ZRANB3: variants seen among roughly 807,000 people sequenced by gnomAD.
ZRANB3 encodes DNA annealing helicase and endonuclease ZRANB3.
Under a neutral mutation model 133.8 loss-of-function variants are expected in ZRANB3, and 125 were observed. The observed-to-expected ratio is 0.93, with a 90% CI of 0.81 to 1.08. ZRANB3 has a LOEUF of 1.08. ZRANB3 is among the 50% of genes least tolerant of loss of function. The probability of loss-of-function intolerance (pLI) is 0.00; values close to 1 mark genes in which losing one functional copy is unlikely to be tolerated. For synonymous variants in ZRANB3, 387 were observed against 432.7 expected, an observed-to-expected ratio of 0.89 and a Z score of 1.31; for missense variants, 1,229 against 1,275.5, an observed-to-expected ratio of 0.96 and a Z score of 0.56.
chr2:135,319,730 A>G (rs1413082109), intron 6 of ZRANB3, among the ~76,000 whole-genome samples: 1 of 152,166 alleles, frequency 6.6e-6, no homozygotes, highest in African/African-American at 2.4e-5. Context: ...TTATTTCTGG[A>G]AGCCATTCCT....
intron 3 of ZRANB3, among the ~76,000 whole-genome samples, chr2:135,366,309 T>A (rs1342386347): frequency 1.3e-5 from 2 of 152,128 alleles, no homozygotes; most frequent in Non-Finnish European, 2.9e-5. Context: ...TGTGAAAGTT[T>A]TTTTTTTAAG....
intron 2 of ZRANB3, among the ~76,000 whole-genome samples, chr2:135,393,415 G>C (rs1410330913): frequency 2.6e-5 from 4 of 151,422 alleles, no homozygotes; most frequent in Non-Finnish European, 5.9e-5. Flanking sequence ...TAGACTGGAA[G>C]ATGCAGTACG....
At chr2:135,238,392 A>AG (rs1695398616) in intron 12 of ZRANB3, among the ~76,000 whole-genome samples, 2 of 134,580 alleles carry the variant, frequency 1.5e-5, no homozygotes, top group African/African-American at 6.2e-5. Flanking sequence ...ATGCTGTGTG[A>AG]CTTTTTTTTT....
At chr2:135,354,563 G>A (rs1176457459) in intron 3 of ZRANB3, among the ~76,000 whole-genome samples, 2 of 152,162 alleles carry the variant, frequency 1.3e-5, no homozygotes, top group African/African-American at 2.4e-5. Flanking sequence ...ATCAAATGAT[G>A]TCATATTCAT....
intron 11 of ZRANB3, among the ~76,000 whole-genome samples, chr2:135,267,889 G>A (rs1329966808): frequency 6.6e-6 from 1 of 151,994 alleles, no homozygotes; most frequent in African/African-American, 2.4e-5. Flanking sequence ...AGGTGATTGG[G>A]TCATGAGGGT....
chr2:135,207,512 T>C lies in ZRANB3; in HGVS notation c.2931A>G (p.Leu977=), dbSNP rs375880529. 447 of 1,614,030 alleles carry C rather than the reference T, an allele frequency of 2.8e-4. 5 individuals are homozygous for C. The South Asian group carries it at 4.3e-3, about 15-fold the overall frequency. The change falls in exon 19 of 21, where the codon TTA becomes TTG. Residue 977 remains leucine (L), a synonymous_variant. Transcript: ENST00000264159. The part of the protein sequence containing the change: ...LCNVNAQELF[L]RLRDAPKSQR... Reference sequence around the variant, plus strand: ...GACTTTTAGGGGCATCTCTCAGACGTAAAAAGAGTTCTTGTGCGTTCACAT... The same window carrying C: ...GACTTTTAGGGGCATCTCTCAGACGCAAAAAGAGTTCTTGTGCGTTCACAT...
rs143145663 is a variant in ZRANB3 at position 135,510,528 on chromosome 2, G to A, written c.-7-6032C>T. The A allele has an allele frequency of 1.8e-3, 1,125 of 641,922 alleles. 29 individuals are homozygous for A. The East Asian group carries it at 0.031, about 18-fold the overall frequency. The allele number at this position is 641,922 out of a possible 1,614,324, so 39.8% of individuals were successfully genotyped here. A position where few individuals can be genotyped will look rare whatever the true frequency, so the allele number is the denominator to read the frequency against. On this transcript the variant is annotated intron_variant, in intron 1 of 20. Coordinates refer to ENST00000264159, the MANE Select transcript of ZRANB3 (RefSeq NM_032143.4). The stretch of plus-strand genomic sequence containing the variant: ...TAGGAGCTAGGGTTTGTATGGCCGC[G>A]TGAAGATCCATGAAGATTCACTGCC...
At position 135,268,992 on chromosome 2, in the gene ZRANB3, G is replaced by A. The variant is rs1680381756; in HGVS notation, c.1356C>T (p.Asp452=). Reference sequence around the variant, plus strand: ...GATTCAACATTCCCCACATAAGGGTGTCTAGGGTTCCATTTGCAATAAGGT... The same window carrying A: ...GATTCAACATTCCCCACATAAGGGTATCTAGGGTTCCATTTGCAATAAGGT... ...IHYLIANGTL[D]TLMWGMLNRK... The change falls in exon 11 of 21, where the codon GAC becomes GAT. Residue 452 remains aspartate (D), a synonymous_variant. Transcript: ENST00000264159. The A allele has an allele frequency of 6.2e-7, 1 of 1,608,974 alleles. No homozygotes were observed. Among genetic ancestry groups the A allele is most frequent in the Non-Finnish European group, 8.5e-7 (1 of 1,178,486 alleles).
intron 8 of ZRANB3, among the ~76,000 whole-genome samples, chr2:135,291,053 G>T (rs896035121): frequency 6.6e-6 from 1 of 152,066 alleles, no homozygotes; most frequent in African/African-American, 2.4e-5. Context: ...CTAGAGATGG[G>T]GTTTCACCAT....
Position 135,197,496 on chromosome 2 carries a change from T to G in ZRANB3, c.*2846A>C, listed in dbSNP as rs1007998448. ...AGGGTATTCACTTGTCACAGGAAAA[T>G]CTCCCCAAGAAATGTACGTTGGGCT... On this transcript the variant is annotated 3_prime_UTR_variant, in exon 21 of 21. Coordinates refer to ENST00000264159, the MANE Select transcript of ZRANB3 (RefSeq NM_032143.4). 2.0e-5 allele frequency: 3 copies of G among 152,306 alleles called. No individual in the cohort carries two copies. The highest frequency in any genetic ancestry group is 7.2e-5 in the African/African-American group (3 of 41,566). 9.4% of individuals were successfully genotyped at this position (152,306 alleles called of 1,614,324 possible). A position where few individuals can be genotyped will look rare whatever the true frequency, so the allele number is the denominator to read the frequency against.
At chr2:135,478,428 C>G (rs553776479) in intron 2 of ZRANB3, among the ~76,000 whole-genome samples, 1 of 152,230 alleles carries the variant, frequency 6.6e-6, no homozygotes, top group South Asian at 2.1e-4. Context: ...CACAACACCG[C>G]CACCTCCACT....
intron 3 of ZRANB3, among the ~76,000 whole-genome samples, chr2:135,356,271 A>G (rs1685431364): frequency 6.6e-6 from 1 of 152,204 alleles, no homozygotes; most frequent in African/African-American, 2.4e-5. Flanking sequence ...AAAAATTGCA[A>G]AGAGAGTAGA....
intron 2 of ZRANB3, among the ~76,000 whole-genome samples, chr2:135,465,013 G>A (rs963658545): frequency 6.6e-6 from 1 of 152,194 alleles, no homozygotes; most frequent in Non-Finnish European, 1.5e-5. Flanking sequence ...AAATGGGGCG[G>A]TAGAAGGCAT....
chr2:135,338,009 T>G (rs1684444818), intron 6 of ZRANB3, among the ~76,000 whole-genome samples: 2 of 152,194 alleles, frequency 1.3e-5, no homozygotes, highest in South Asian at 4.1e-4. Context: ...AAATCTAAAG[T>G]ATAAGAAATG....
intron 2 of ZRANB3, among the ~76,000 whole-genome samples, chr2:135,426,604 C>T (rs552268767): frequency 3.3e-5 from 5 of 151,190 alleles, no homozygotes; most frequent in Admixed American, 1.3e-4. Flanking sequence ...CTGGGGCGGG[C>T]GGATCACGAG....
At chr2:135,213,601 C>T (rs116514245) in intron 17 of ZRANB3, among the ~76,000 whole-genome samples, 2,306 of 152,250 alleles carry the variant, frequency 0.015, 48 homozygotes, top group African/African-American at 0.051. Flanking sequence ...TCTAGATATA[C>T]CTCCTTAAGA....
At chr2:135,393,364 C>CT (rs921239443) in intron 2 of ZRANB3, among the ~76,000 whole-genome samples, 33 of 145,928 alleles carry the variant, frequency 2.3e-4, no homozygotes, top group Admixed American at 4.1e-4. Flanking sequence ...AGAACATGAA[C>CT]TTTTTTTTTT....
chr2:135,200,752 G>A (rs1031301777), intron 20 of ZRANB3, among the ~76,000 whole-genome samples: 3 of 142,872 alleles, frequency 2.1e-5, no homozygotes, highest in East Asian at 2.0e-4. Context: ...CCAAGTGGGA[G>A]GTTTTTTTTT....
At chr2:135,213,715 G>A (rs556113417) in intron 17 of ZRANB3, among the ~76,000 whole-genome samples, 1 of 152,178 alleles carries the variant, frequency 6.6e-6, no homozygotes, top group Admixed American at 6.5e-5. Flanking sequence ...TGTGTAGTAG[G>A]CAGAATTTTA....
Sources: allele counts gnomAD v4.1 joint callset (sites outside exome capture counted in the v4.1 genomes callset), GRCh38; gene constraint gnomAD v4.1.1; transcripts MANE v1.5; gene names NCBI Gene and HGNC (gene_info 2026-07-23, HGNC 2026-07-21).